LINGO2: variants seen among roughly 807,000 people sequenced by gnomAD.
LINGO2 encodes leucine rich repeat and Ig domain containing 2.
LINGO2 carries 14 observed loss-of-function variants against 30.6 expected under a neutral mutation model. That is an observed-to-expected ratio of 0.46 (90% CI 0.30 to 0.72). The LOEUF is 0.72. Among genes scored for constraint, LINGO2 ranks in the 30% least tolerant of loss-of-function variants. The pLI, the probability that LINGO2 is intolerant of heterozygous loss-of-function variation, is 0.07. For synonymous variants in LINGO2, 317 were observed against 288.5 expected (o/e 1.10, Z -1.00); for missense variants, 729 against 751.7 (o/e 0.97, Z 0.35).
intron 4 of LINGO2, among the ~76,000 whole-genome samples, chr9:28,197,934 T>G (rs1820072686): frequency 1.3e-5 from 2 of 151,894 alleles, no homozygotes; most frequent in Non-Finnish European, 2.9e-5. Flanking sequence ...TAAAGTGCCA[T>G]TTTTTTGACA....
the LINGO2 span, among the ~76,000 whole-genome samples, chr9:28,711,528 G>A: frequency 6.6e-6 from 1 of 152,060 alleles, no homozygotes; most frequent in Non-Finnish European, 1.5e-5. Flanking sequence ...AGCAAGGTGA[G>A]CAAGGTTTTC....
the LINGO2 span, among the ~76,000 whole-genome samples, chr9:28,803,449 T>C: frequency 3.3e-5 from 5 of 151,856 alleles, no homozygotes; most frequent in Admixed American, 2.6e-4. Flanking sequence ...AAAGCCATAA[T>C]TGAGGATGAT....
chr9:28,177,238 T>C (rs1384190504), intron 4 of LINGO2, among the ~76,000 whole-genome samples: 1 of 152,132 alleles, frequency 6.6e-6, no homozygotes, highest in South Asian at 2.1e-4. Context: ...TTTGAGTAAA[T>C]GTATGAATAG....
chr9:28,105,271 T>A (rs1826552856), intron 4 of LINGO2, among the ~76,000 whole-genome samples: 1 of 152,172 alleles, frequency 6.6e-6, no homozygotes, highest in South Asian at 2.1e-4. Flanking sequence ...GAAAATGTGC[T>A]CTCCAGTGAA....
At chr9:28,312,129 T>C (rs1395480091) in intron 3 of LINGO2, among the ~76,000 whole-genome samples, 1 of 137,880 alleles carries the variant, frequency 7.3e-6, no homozygotes, top group African/African-American at 2.5e-5. Context: ...GTTCTTTAGC[T>C]AGATGTTTTA....
intron 4 of LINGO2, among the ~76,000 whole-genome samples, chr9:28,073,173 C>T (rs1294489134): frequency 6.6e-6 from 1 of 152,014 alleles, no homozygotes; most frequent in Non-Finnish European, 1.5e-5. Flanking sequence ...GTAAGGCTTA[C>T]CAGCAGCTGA....
At chr9:27,958,548 TGA>T (rs61390280) in intron 5 of LINGO2, among the ~76,000 whole-genome samples, 13,524 of 151,836 alleles carry the variant, frequency 0.089, 1,997 homozygotes, top group African/African-American at 0.31. Context: ...TAAGGGAGAG[TGA>T]GAGAGAGAGA....
chr9:28,317,159 G>A (rs191953201), intron 3 of LINGO2, among the ~76,000 whole-genome samples: 6 of 152,140 alleles, frequency 3.9e-5, no homozygotes, highest in East Asian at 1.9e-4. Flanking sequence ...CTGAAGATTC[G>A]GCTCAACTAT....
At chr9:27,986,778 G>T (rs1458414353) in intron 5 of LINGO2, among the ~76,000 whole-genome samples, 1 of 151,842 alleles carries the variant, frequency 6.6e-6, no homozygotes, top group Non-Finnish European at 1.5e-5. Flanking sequence ...CATGGTAACG[G>T]TCATTTGTGA....
At chr9:28,925,014 T>C in the LINGO2 span, among the ~76,000 whole-genome samples, 1 of 152,264 alleles carries the variant, frequency 6.6e-6, no homozygotes, top group East Asian at 1.9e-4. Context: ...TTTCTAAGAG[T>C]AGACTTTAAA....
chr9:28,662,586 T>C (rs898965496), intron 1 of LINGO2, among the ~76,000 whole-genome samples: 3 of 152,170 alleles, frequency 2.0e-5, no homozygotes, highest in Non-Finnish European at 4.4e-5. Context: ...GCTAAATACA[T>C]GTTGGCATGT....
chr9:29,046,539 A>G, the LINGO2 span, among the ~76,000 whole-genome samples: 1 of 152,174 alleles, frequency 6.6e-6, no homozygotes, highest in Non-Finnish European at 1.5e-5. Context: ...CTGCCTAGCC[A>G]TATGCAGAAG....
rs1019846675 is a variant in LINGO2, at chr9:28,499,480, G to C, written c.-364-23455C>G. Reference sequence around the variant, plus strand: ...ATCTTGTTCTGTTGTAATTAGTTCAGTTCAAGTGCCTGACAGCAATTTTAA... The same window carrying C: ...ATCTTGTTCTGTTGTAATTAGTTCACTTCAAGTGCCTGACAGCAATTTTAA... On this transcript the variant is annotated intron_variant, in intron 1 of 5. Transcript: ENST00000379992. 2.6e-5 allele frequency among the ~76,000 whole-genome samples: 4 copies of C among 152,162 alleles called. No homozygotes were observed. In the East Asian group the frequency reaches 7.7e-4, roughly 29 times the overall value.
chr9:28,556,357 C>G (rs1404990892), intron 1 of LINGO2, among the ~76,000 whole-genome samples: 2 of 151,964 alleles, frequency 1.3e-5, no homozygotes, highest in African/African-American at 2.4e-5. Context: ...CAACAACAGA[C>G]AAACAGAGAG....
At chr9:28,880,753 C>T in the LINGO2 span, among the ~76,000 whole-genome samples, 2 of 152,178 alleles carry the variant, frequency 1.3e-5, no homozygotes, top group Admixed American at 6.5e-5. Flanking sequence ...TGGTATAAAA[C>T]CCGATTGTAC....
the LINGO2 span, among the ~76,000 whole-genome samples, chr9:28,994,517 A>T: frequency 1.4e-5 from 2 of 148,098 alleles, no homozygotes; most frequent in African/African-American, 2.5e-5. Context: ...GGAAAAAACT[A>T]CTTTAAAGTT....
chr9:28,079,863 C>T (rs1310184347), intron 4 of LINGO2, among the ~76,000 whole-genome samples: 3 of 152,170 alleles, frequency 2.0e-5, no homozygotes, highest in Admixed American at 2.0e-4. Flanking sequence ...CCAAACAGAC[C>T]ATGTGATGTT....
the LINGO2 span, among the ~76,000 whole-genome samples, chr9:28,889,779 T>C: frequency 1.3e-4 from 20 of 152,112 alleles, no homozygotes; most frequent in African/African-American, 3.6e-4. Context: ...ACTCTAGCTC[T>C]AACGTTCTAA....
At chr9:28,774,169 T>C in the LINGO2 span, among the ~76,000 whole-genome samples, 1 of 152,138 alleles carries the variant, frequency 6.6e-6, no homozygotes, top group Non-Finnish European at 1.5e-5. Context: ...TTGATTTTAA[T>C]TTCAATAATA....
Sources: allele counts gnomAD v4.1 joint callset (sites outside exome capture counted in the v4.1 genomes callset), GRCh38; gene constraint gnomAD v4.1.1; transcripts MANE v1.5; gene names NCBI Gene and HGNC (gene_info 2026-07-23, HGNC 2026-07-21).